The following LCORL variants were observed in gnomAD, a reference collection of about 807,000 sequenced individuals.
The protein encoded by LCORL is ligand dependent nuclear receptor corepressor like, also known as ligand-dependent nuclear receptor corepressor-like protein.
LCORL carries 41 observed loss-of-function variants against 141.8 expected under a neutral mutation model. That is an observed-to-expected ratio of 0.29 (90% confidence interval 0.23 to 0.38). The LOEUF (loss-of-function observed/expected upper bound fraction) is 0.38, where lower values mean the gene tolerates loss of function less well. Among genes scored for constraint, LCORL ranks in the 10% least tolerant of loss-of-function variants. The probability of loss-of-function intolerance (pLI) is 1.00; values close to 1 mark genes in which losing one functional copy is unlikely to be tolerated. For missense variants in LCORL, 1,759 were observed against 2,035.0 expected (o/e 0.86, Z 2.61); for synonymous variants, 618 against 694.1 (o/e 0.89, Z 1.72).
chr4:17,876,104 G>A (rs1449017190), exon 7 of LCORL: 1 of 1,230,816 alleles, frequency 8.1e-7, no homozygotes, highest in Non-Finnish European at 1.0e-6. Flanking sequence ...ATAAAAACAT[G>A]AGTTTGATAG....
chr4:17,954,538 A>G (rs1341672927), intron 4 of LCORL, among the ~76,000 whole-genome samples: 3 of 152,108 alleles, frequency 2.0e-5, no homozygotes, highest in Non-Finnish European at 4.4e-5. Context: ...GATCTGGTTG[A>G]GGCTTTAGAA....
chr4:17,868,288 T>C (rs1725921326), intron 7 of LCORL, among the ~76,000 whole-genome samples: 1 of 152,078 alleles, frequency 6.6e-6, no homozygotes, highest in Admixed American at 6.6e-5. Flanking sequence ...TGACGACAGA[T>C]GGCAAAATAG....
At chr4:17,850,504 G>C (rs1206654753) in intron 7 of LCORL, among the ~76,000 whole-genome samples, 2 of 152,226 alleles carry the variant, frequency 1.3e-5, no homozygotes, top group South Asian at 4.1e-4. Flanking sequence ...AGAGATTTAT[G>C]CAGCCAACAG....
intron 4 of LCORL, chr4:17,911,994 G>A (rs1732630067): frequency 1.6e-6 from 1 of 635,890 alleles, no homozygotes; most frequent in Non-Finnish European, 3.0e-6. Flanking sequence ...ACAGAGTGAG[G>A]AGCCTGGAGA....
intron 1 of LCORL, among the ~76,000 whole-genome samples, chr4:18,003,038 G>A (rs563178164): frequency 4.4e-4 from 67 of 152,130 alleles, no homozygotes; most frequent in Non-Finnish European, 8.4e-4. Flanking sequence ...TTTTTAAATC[G>A]CAATCTGACC....
chr4:17,875,139 T>C lies in LCORL; in HGVS notation c.3851A>G (p.Asp1284Gly), dbSNP rs866403340. 25 of 1,233,068 alleles carry C rather than the reference T, an allele frequency of 2.0e-5. No individual in the cohort carries two copies. In the South Asian group the frequency reaches 8.2e-4, roughly 40 times the overall value. 76.4% of individuals were successfully genotyped at this position (1,233,068 alleles called of 1,614,324 possible). Reference sequence around the variant, plus strand: ...AGGCAGATTTTTTCCTGACGTATTATCCTGTTCTAAAGGAGGCAAGCAGCT... The same window carrying C: ...AGGCAGATTTTTTCCTGACGTATTACCCTGTTCTAAAGGAGGCAAGCAGCT... Residue 1284 changes from aspartate to glycine, a missense_variant, in exon 7 of 8, where the codon GAT becomes GGT. Around this residue, in one of 5 missense-constraint regions of LCORL, gnomAD observed 1,311 missense variants for 1,531.3 expected, o/e 0.86. Coordinates refer to ENST00000635767, the Ensembl canonical transcript of LCORL.
intron 1 of LCORL, among the ~76,000 whole-genome samples, chr4:17,993,545 A>C (rs1473370748): frequency 1.3e-5 from 2 of 152,214 alleles, no homozygotes; most frequent in African/African-American, 4.8e-5. Flanking sequence ...TTGAAAAAAA[A>C]AATGGTATGA....
At chr4:17,851,219 G>T (rs1212820502) in intron 7 of LCORL, among the ~76,000 whole-genome samples, 3 of 151,566 alleles carry the variant, frequency 2.0e-5, no homozygotes, top group Non-Finnish European at 4.4e-5. Flanking sequence ...CATGGCACAT[G>T]TATACATATG....
chr4:17,942,332 C>T (rs1438912313), intron 4 of LCORL, among the ~76,000 whole-genome samples: 1 of 151,958 alleles, frequency 6.6e-6, no homozygotes, highest in Admixed American at 6.6e-5. Context: ...TGCAAAATAT[C>T]TAAATGCTAC....
chr4:17,858,474 C>T (rs1724613951), intron 7 of LCORL, among the ~76,000 whole-genome samples: 1 of 151,930 alleles, frequency 6.6e-6, no homozygotes, highest in South Asian at 2.1e-4. Context: ...CCTGTAATCC[C>T]AGCTCTTTGA....
chr4:17,890,777 T>C (rs13103931), intron 5 of LCORL, among the ~76,000 whole-genome samples: 3 of 152,030 alleles, frequency 2.0e-5, no homozygotes, highest in Admixed American at 6.6e-5. Context: ...GTTTCAAAAA[T>C]TGAAGTCATG....
intron 1 of LCORL, among the ~76,000 whole-genome samples, chr4:17,999,766 C>G (rs1577693012): frequency 6.6e-6 from 1 of 152,084 alleles, no homozygotes; most frequent in Middle Eastern, 3.2e-3. Context: ...GGGAAGAAAG[C>G]CAATGTTCCT....
intron 2 of LCORL, 147 bp from the exon 3 acceptor site, chr4:17,963,196 C>T (rs1177597232): frequency 4.4e-6 from 2 of 456,074 alleles, no homozygotes; most frequent in East Asian, 6.7e-5. Context: ...ATTAAACTCA[C>T]AACATCTAGA....
chr4:17,928,787 A>C (rs962173923), intron 4 of LCORL, among the ~76,000 whole-genome samples: 1 of 152,226 alleles, frequency 6.6e-6, no homozygotes. Context: ...GCAAGGAAGA[A>C]GCAAAACTCT....
exon 8 of LCORL, chr4:17,843,367 C>T (rs1722616025): frequency 6.2e-7 from 1 of 1,611,864 alleles, no homozygotes. Flanking sequence ...GCCAAAACCG[C>T]AGCACTAGAA....
At chr4:17,867,680 C>G (rs1204311083) in intron 7 of LCORL, among the ~76,000 whole-genome samples, 1 of 152,116 alleles carries the variant, frequency 6.6e-6, no homozygotes, top group Non-Finnish European at 1.5e-5. Context: ...AACACAACAC[C>G]TGATACATCA....
intron 1 of LCORL, among the ~76,000 whole-genome samples, chr4:17,997,598 C>A (rs1721111855): frequency 6.6e-6 from 1 of 151,930 alleles, no homozygotes; most frequent in Admixed American, 6.6e-5. Flanking sequence ...AAACAAGTGA[C>A]AAAAGTCTTC....
intron 1 of LCORL, among the ~76,000 whole-genome samples, chr4:17,993,504 C>A (rs1359615654): frequency 6.6e-6 from 1 of 151,398 alleles, no homozygotes; most frequent in African/African-American, 2.4e-5. Context: ...CACACCCGGC[C>A]TAATTAAATT....
At chr4:17,883,808 T>G (rs760337631) in intron 6 of LCORL, 4 of 1,550,728 alleles carry the variant, frequency 2.6e-6, no homozygotes, top group South Asian at 1.2e-5. Context: ...TAGTTTCTTC[T>G]TCGGAGGAGT....
Sources: allele counts gnomAD v4.1 joint callset (sites outside exome capture counted in the v4.1 genomes callset), GRCh38; gene constraint gnomAD v4.1.1; regional missense constraint gnomAD v4.1.1; transcripts MANE v1.5; gene names NCBI Gene and HGNC (gene_info 2026-07-23, HGNC 2026-07-21).